The following MATR3 variants were observed in gnomAD, a reference collection of about 807,000 sequenced individuals.
MATR3 encodes the protein matrin 3, also known as matrin-3.
In MATR3, 4 loss-of-function variants were observed where a neutral mutation model predicts 85.5. That is an observed-to-expected ratio of 0.05 (90% confidence interval 0.02 to 0.11). MATR3 has a LOEUF of 0.11. MATR3 is among the 10% of genes least tolerant of loss of function. The pLI, the probability that MATR3 is intolerant of heterozygous loss-of-function variation, is 1.00. For synonymous variants in MATR3, 336 were observed against 343.1 expected, an observed-to-expected ratio of 0.98 and a Z score of 0.23; for missense variants, 685 against 1,016.1, an observed-to-expected ratio of 0.67 and a Z score of 4.43.
At chr5:139,324,690 T>C (rs1561944195) in intron 12 of MATR3, among the ~76,000 whole-genome samples, 2 of 152,172 alleles carry the variant, frequency 1.3e-5, no homozygotes, top group Admixed American at 6.5e-5. Context: ...TGCTCAACTT[T>C]TACCAAATCA....
chr5:139,304,918 C>T (rs1754632435), intron 1 of MATR3, among the ~76,000 whole-genome samples: 1 of 152,190 alleles, frequency 6.6e-6, no homozygotes, highest in Non-Finnish European at 1.5e-5. Context: ...TCAGCATTGA[C>T]ATGATAGAGG....
rs1202683847 is a variant in MATR3 at position 139,329,926 on chromosome 5, C to T, written c.*531C>T. The T allele has an allele frequency of 2.2e-6, 1 of 454,362 alleles. No homozygotes were observed. The highest frequency in any genetic ancestry group is 4.4e-6 in the Non-Finnish European group (1 of 226,770). The allele number at this position is 454,362 out of a possible 1,614,324, so 28.1% of individuals were successfully genotyped here. A position where few individuals can be genotyped will look rare whatever the true frequency, so the allele number is the denominator to read the frequency against. On this transcript the variant is annotated 3_prime_UTR_variant, in exon 15 of 15. Coordinates refer to ENST00000394805, the MANE Select transcript of MATR3 (RefSeq NM_018834.6). The stretch of plus-strand genomic sequence containing the variant: ...GCAATTGAAATGCAGGTGCAGTTTT[C>T]TGTTAATGTCATGCTGTTGTTTAGG...
intron 2 of MATR3, chr5:139,278,526 G>C: frequency 2.7e-6 from 1 of 373,572 alleles, no homozygotes; most frequent in Non-Finnish European, 5.4e-6. Flanking sequence ...TAAGATCCAT[G>C]AAGGAAAGGA....
rs1303040315 is a variant in MATR3 at position 139,319,350 on chromosome 5, C to T, written c.1451C>T (p.Pro484Leu). The T allele has an allele frequency of 1.2e-6, 2 of 1,614,106 alleles. No individual in the cohort carries two copies. Among genetic ancestry groups the T allele is most frequent in the Non-Finnish European group, 1.7e-6 (2 of 1,180,024 alleles). The change falls in exon 9 of 15, where the codon CCA (proline) becomes CTA (leucine). Residue 484 changes from proline (P) to leucine (L), a missense_variant. Around this residue, in one of 9 missense-constraint regions of MATR3, gnomAD observed 30 missense variants for 23.9 expected, o/e 1.25. Transcript: ENST00000394805. ...YKRIKKPEGK[P>L]DQKFDQKQEL... ...TTATTAAAGAAACCTGAAGGAAAGC[C>T]AGATCAGAAGTTTGATCAAAAGCAA...
At chr5:139,309,803 G>A (rs1052422128) in intron 2 of MATR3, among the ~76,000 whole-genome samples, 4 of 152,178 alleles carry the variant, frequency 2.6e-5, no homozygotes, top group African/African-American at 4.8e-5. Flanking sequence ...TTTAGGTCCC[G>A]TGTGAATTCA....
At chr5:139,317,755 TC>T in intron 7 of MATR3, 34 bp downstream of exon 7, 3 of 1,505,628 alleles carry the variant, frequency 2.0e-6, no homozygotes, top group Non-Finnish European at 2.7e-6. Context: ...ATTCATTTAT[TC>T]ATGCCACTAA....
chr5:139,305,265 TTGA>T (rs1754649642), intron 1 of MATR3, among the ~76,000 whole-genome samples: 1 of 152,246 alleles, frequency 6.6e-6, no homozygotes, highest in African/African-American at 2.4e-5. Flanking sequence ...TTTCCTTTTG[TTGA>T]TCCACTGTTT....
upstream of MATR3, chr5:139,293,632 G>C (rs1487691493): frequency 1.4e-5 from 3 of 209,742 alleles, no homozygotes; most frequent in Non-Finnish European, 2.8e-5. Context: ...GGCGCGCGCC[G>C]AACCAGATCG....
chr5:139,294,236 CACT>C (rs1754014076), intron 1 of MATR3: 1 of 415,548 alleles, frequency 2.4e-6, no homozygotes, highest in African/African-American at 2.0e-5. Context: ...ACAGACTGTA[CACT>C]GGGGGCTTGC....
At chr5:139,325,807 AT>A (rs1419762715) in intron 13 of MATR3, 145 bp downstream of exon 13, 1 of 722,640 alleles carries the variant, frequency 1.4e-6, no homozygotes, top group Non-Finnish European at 2.4e-6. Context: ...CAATTTATAA[AT>A]CTTAATTGAT....
chr5:139,292,890 C>A (rs1359534577), upstream of MATR3, among the ~76,000 whole-genome samples: 1 of 152,132 alleles, frequency 6.6e-6, no homozygotes, highest in African/African-American at 2.4e-5. Context: ...TTGCAGTGAG[C>A]CGAGATCGCG....
Position 139,325,572 on chromosome 5 carries a change from A to G in MATR3, c.2281A>G (p.Asn761Asp). 1 of 1,614,230 alleles carries G rather than the reference A, an allele frequency of 6.2e-7. No individual in the cohort carries two copies. Among genetic ancestry groups the G allele is most frequent in the Non-Finnish European group, 8.5e-7 (1 of 1,180,046 alleles). The change falls in exon 13 of 15, where the codon AAC (asparagine) becomes GAC (aspartate). Residue 761 changes from asparagine (N) to aspartate (D), a missense_variant. Coordinates refer to ENST00000394805, the MANE Select transcript of MATR3 (RefSeq NM_018834.6). ...ADDPNKDTSE[N>D]ADGQSDENKD... ...TGATCCCAACAAAGATACAAGTGAAAACGCAGATGGTCAAAGTGATGAGAA... is the reference window on the plus strand; with the variant it reads ...TGATCCCAACAAAGATACAAGTGAAGACGCAGATGGTCAAAGTGATGAGAA...
intron 3 of MATR3, chr5:139,280,049 A>G (rs1753457385): frequency 6.6e-6 from 1 of 152,232 alleles, no homozygotes; most frequent in African/African-American, 2.4e-5. Context: ...AACTTGCTGT[A>G]AAGAGCCAGG....
At chr5:139,274,168 A>G (rs1292947507) in intron 1 of MATR3, 4 of 420,812 alleles carry the variant, frequency 9.5e-6, no homozygotes, top group South Asian at 6.7e-5. Context: ...GCGCGTGAGT[A>G]AGGACCCAGA....
chr5:139,280,055 C>G (rs1238639987), intron 3 of MATR3: 1 of 152,144 alleles, frequency 6.6e-6, no homozygotes. Flanking sequence ...CTGTAAAGAG[C>G]CAGGTAATAT....
chr5:139,294,382 T>G (rs1294114336), intron 1 of MATR3: 2 of 209,524 alleles, frequency 9.5e-6, no homozygotes, highest in Non-Finnish European at 1.9e-5. Flanking sequence ...CCTGCTTGTT[T>G]GAGCAGCGTT....
At chr5:139,279,723 C>T (rs60550933) in intron 3 of MATR3, 2,953 of 152,542 alleles carry the variant, frequency 0.019, 102 homozygotes, top group African/African-American at 0.065. Context: ...AGGCTGGTCT[C>T]GAACTCCTGA....
At position 139,316,191 on chromosome 5, in the gene MATR3, A is replaced by T; in HGVS notation, c.1129+3A>T. On this transcript the variant is annotated splice_donor_region_variant and intron_variant, in intron 5 of 14. Transcript: ENST00000394805. Reference sequence around the variant, plus strand: ...AGTTGGACCAAGAGGAAATCTGGGTAATTATATAAAATTCATGTTACTTTT... The same window carrying T: ...AGTTGGACCAAGAGGAAATCTGGGTTATTATATAAAATTCATGTTACTTTT... The T allele has an allele frequency of 6.5e-7, 1 of 1,544,424 alleles. No individual in the cohort carries two copies. Among genetic ancestry groups the T allele is most frequent in the East Asian group, 2.2e-5 (1 of 44,712 alleles).
chr5:139,303,048 GTT>G (rs758720111), intron 1 of MATR3, among the ~76,000 whole-genome samples: 66 of 137,068 alleles, frequency 4.8e-4, no homozygotes, highest in Admixed American at 2.6e-3. Context: ...CAAATTAGTT[GTT>G]TTTTTTTTTT....
Sources: gnomAD v4.1 joint callset for allele counts (sites outside exome capture counted in the v4.1 genomes callset) on GRCh38, gnomAD v4.1.1 for gene constraint, gnomAD v4.1.1 regional missense constraint, MANE v1.5 for transcripts, NCBI Gene and HGNC (gene_info 2026-07-23, HGNC 2026-07-21) for gene names.